Variants in RPS6KA3 observed in about 807,000 individuals in gnomAD.
RPS6KA3 encodes the protein ribosomal protein S6 kinase A3.
A neutral mutation model predicts 67.2 loss-of-function variants in RPS6KA3; 4 were observed. The ratio of observed to expected loss-of-function variants is 0.06; its 90% CI spans 0.03 to 0.14. The LOEUF is 0.14. Ranked by LOEUF, RPS6KA3 falls within the 10% of genes least tolerant of loss-of-function variation. RPS6KA3 has a pLI of 1.00. For missense variants in RPS6KA3, 204 were observed against 559.0 expected (o/e 0.36, Z 6.40); for synonymous variants, 182 against 183.7 (o/e 0.99, Z 0.07).
intron 4 of RPS6KA3, among the ~76,000 whole-genome samples, chrX:20,197,839 T>C (rs1351442686): frequency 1.8e-5 from 2 of 111,979 alleles, no homozygotes; most frequent in Non-Finnish European, 3.8e-5. Flanking sequence ...CAACATAGAA[T>C]TGGTTAATAC....
At chrX:20,161,561 G>C in intron 20 of RPS6KA3, 83 bp downstream of exon 20, 3 of 414,426 alleles carry the variant, frequency 7.2e-6, no homozygotes, top group Non-Finnish European at 1.3e-5. Flanking sequence ...ATAAACAAAG[G>C]TTTCTAACTG....
At position 20,177,098 on chromosome X, in the gene RPS6KA3, C is replaced by T. The variant is rs2148665255; in HGVS notation, c.846-14G>A. 8.9e-7 allele frequency: 1 copy of T among 1,125,787 alleles called. No individual in the cohort carries two copies. The highest frequency in any genetic ancestry group is 3.0e-5 in the East Asian group (1 of 33,489). The allele number at this position is 1,125,787 out of a possible 1,213,427, so 92.8% of individuals were successfully genotyped here. A position where few individuals can be genotyped will look rare whatever the true frequency, so the allele number is the denominator to read the frequency against. On this transcript the variant is annotated splice_polypyrimidine_tract_variant and intron_variant, in intron 10 of 21. Coordinates refer to ENST00000379565, the MANE Select transcript of RPS6KA3 (RefSeq NM_004586.3). ...CCAAGTTTGGCTCTAAATAATAAAT[C>T]CACATAATATTTTATTTTTTGGAGG...
At chrX:20,179,915 T>A (rs2067799956) in intron 10 of RPS6KA3, among the ~76,000 whole-genome samples, 1 of 109,386 alleles carries the variant, frequency 9.1e-6, no homozygotes, top group Admixed American at 9.9e-5. Context: ...CATAGCAAGA[T>A]ACCATCTGTA....
At chrX:20,226,287 G>A (rs1278166955) in intron 2 of RPS6KA3, among the ~76,000 whole-genome samples, 2 of 112,092 alleles carry the variant, frequency 1.8e-5, no homozygotes, top group Admixed American at 1.9e-4. Context: ...GTGAAGAACA[G>A]AAAAATCCAG....
chrX:20,169,656 G>A, intron 15 of RPS6KA3, 165 bp from the exon 16 acceptor site: 1 of 520,630 alleles, frequency 1.9e-6, no homozygotes, highest in South Asian at 2.4e-5. Flanking sequence ...TAATCAGAAA[G>A]CCAGTCTTGA....
chrX:20,186,902 T>C (rs1353145684), intron 9 of RPS6KA3, among the ~76,000 whole-genome samples: 1 of 112,052 alleles, frequency 8.9e-6, no homozygotes, highest in Admixed American at 9.4e-5. Context: ...GGCACGATCT[T>C]CACTCACTGC....
At chrX:20,261,821 A>G (rs903479881) in intron 1 of RPS6KA3, among the ~76,000 whole-genome samples, 2 of 112,118 alleles carry the variant, frequency 1.8e-5, no homozygotes, top group African/African-American at 6.5e-5. Context: ...CTGAGATCTG[A>G]TATCTCCAGG....
intron 5 of RPS6KA3, among the ~76,000 whole-genome samples, chrX:20,194,544 G>A (rs1196198104): frequency 9.0e-6 from 1 of 110,629 alleles, no homozygotes; most frequent in Non-Finnish European, 1.9e-5. Flanking sequence ...TAAAAAAAAA[G>A]ACTTACTTAA....
chrX:20,260,272 T>C (rs781172118), intron 1 of RPS6KA3, among the ~76,000 whole-genome samples: 11 of 111,925 alleles, frequency 9.8e-5, no homozygotes, highest in South Asian at 7.4e-4. Flanking sequence ...GAATACACTA[T>C]ATTTCATTGA....
chrX:20,197,928 T>C (rs1409447840), intron 4 of RPS6KA3, among the ~76,000 whole-genome samples: 1 of 111,891 alleles, frequency 8.9e-6, no homozygotes, highest in East Asian at 2.8e-4. Flanking sequence ...AAGCCCTACT[T>C]GACTGAACCT....
At position 20,266,866 on chromosome X, in the gene RPS6KA3, G is replaced by C. The variant is rs2070410441; in HGVS notation, c.-234C>G. The C allele has an allele frequency of 4.3e-6, 2 of 461,691 alleles. No homozygotes were observed. Among genetic ancestry groups the C allele is most frequent in the Non-Finnish European group, 5.4e-6 (2 of 372,895 alleles). The allele number at this position is 461,691 out of a possible 1,213,427, so 38.0% of individuals were successfully genotyped here. A position where few individuals can be genotyped will look rare whatever the true frequency, so the allele number is the denominator to read the frequency against. On this transcript the variant is annotated 5_prime_UTR_variant, in exon 1 of 22. Transcript: ENST00000379565. ...GGCCAGAGACGCCCGCGCGCTGAGC[G>C]AGAGCCTCGCGCCTCCGCTGGGCAC...
intron 1 of RPS6KA3, chrX:20,266,233 A>C: frequency 5.0e-6 from 1 of 198,294 alleles, no homozygotes; most frequent in Non-Finnish European, 9.4e-6. Context: ...CAAACTTCCC[A>C]ACTCCCCGCC....
intron 2 of RPS6KA3, among the ~76,000 whole-genome samples, chrX:20,230,846 C>A (rs994566726): frequency 3.6e-5 from 4 of 111,648 alleles, no homozygotes; most frequent in African/African-American, 1.3e-4. Flanking sequence ...TACGCAATAA[C>A]CAGATGGAAA....
chrX:20,176,711 C>T (rs1348468094), intron 11 of RPS6KA3, among the ~76,000 whole-genome samples: 2 of 110,878 alleles, frequency 1.8e-5, no homozygotes, highest in African/African-American at 6.6e-5. Flanking sequence ...CCTACCTCAA[C>T]TTCCTGAGTA....
chrX:20,254,830 CAAT>C (rs1467422946), intron 1 of RPS6KA3, among the ~76,000 whole-genome samples: 1 of 111,663 alleles, frequency 9.0e-6, no homozygotes, highest in Non-Finnish European at 1.9e-5. Flanking sequence ...GTAAAAAAGA[CAAT>C]AATAAGTGAT....
intron 19 of RPS6KA3, among the ~76,000 whole-genome samples, 160 bp downstream of exon 19, chrX:20,162,804 G>A (rs1373373083): frequency 8.9e-6 from 1 of 111,760 alleles, no homozygotes; most frequent in Non-Finnish European, 1.9e-5. Flanking sequence ...CTATGGCTGT[G>A]TCACTGTACT....
chrX:20,222,325 A>G (rs950659733), intron 2 of RPS6KA3, among the ~76,000 whole-genome samples: 1 of 112,065 alleles, frequency 8.9e-6, no homozygotes, highest in African/African-American at 3.2e-5. Context: ...CTTAGACCCA[A>G]GAAATTTGGG....
intron 4 of RPS6KA3, 37 bp downstream of exon 4, chrX:20,203,985 A>T: frequency 9.6e-7 from 1 of 1,039,798 alleles, no homozygotes; most frequent in Non-Finnish European, 1.4e-6. Context: ...CAGTTTGTTT[A>T]GACTACATGA....
At chrX:20,210,403 A>C (rs2068683687) in intron 2 of RPS6KA3, among the ~76,000 whole-genome samples, 1 of 111,949 alleles carries the variant, frequency 8.9e-6, no homozygotes, top group Admixed American at 9.5e-5. Flanking sequence ...TAGAATCTCA[A>C]TGTGTTATGT....
Sources: allele counts gnomAD v4.1 joint callset (sites outside exome capture counted in the v4.1 genomes callset), GRCh38; gene constraint gnomAD v4.1.1; transcripts MANE v1.5; gene names NCBI Gene and HGNC (gene_info 2026-07-23, HGNC 2026-07-21).